The following GRM5 variants were observed in gnomAD, a reference collection of about 807,000 sequenced individuals.
GRM5 encodes metabotropic glutamate receptor 5.
GRM5 carries 19 observed loss-of-function variants against 83.1 expected under a neutral mutation model. The ratio of observed to expected loss-of-function variants is 0.23; its 90% CI spans 0.16 to 0.34. The LOEUF (loss-of-function observed/expected upper bound fraction) is 0.34. GRM5 is among the 10% of genes least tolerant of loss of function. The pLI, the probability that GRM5 is intolerant of heterozygous loss-of-function variation, is 1.00. For missense variants in GRM5, 1,160 were observed against 1,588.3 expected (o/e 0.73, Z 4.58); for synonymous variants, 675 against 633.6 (o/e 1.07, Z -0.98).
intron 5 of GRM5, among the ~76,000 whole-genome samples, chr11:88,599,812 G>T (rs1351202214): frequency 1.3e-5 from 2 of 152,060 alleles, no homozygotes; most frequent in Non-Finnish European, 2.9e-5. Flanking sequence ...AGGAGATCGA[G>T]ACCATCCTGG....
At chr11:88,574,538 G>A (rs533665439) in intron 7 of GRM5, among the ~76,000 whole-genome samples, 7 of 152,290 alleles carry the variant, frequency 4.6e-5, no homozygotes, top group African/African-American at 1.7e-4. Flanking sequence ...GGAGGCCGAG[G>A]TGGGTGGATC....
chr11:88,663,446 A>G (rs568409449), intron 3 of GRM5, among the ~76,000 whole-genome samples: 1 of 152,226 alleles, frequency 6.6e-6, no homozygotes, highest in Non-Finnish European at 1.5e-5. Context: ...TATTATAGCC[A>G]TTTGGAGAAA....
chr11:88,622,678 TACA>T (rs1252908362), intron 4 of GRM5, among the ~76,000 whole-genome samples: 2 of 152,206 alleles, frequency 1.3e-5, no homozygotes, highest in African/African-American at 4.8e-5. Context: ...CATGTATTTA[TACA>T]ACGAGTATGT....
chr11:88,883,657 G>A (rs1330728516), intron 2 of GRM5, among the ~76,000 whole-genome samples: 1 of 152,144 alleles, frequency 6.6e-6, no homozygotes, highest in Non-Finnish European at 1.5e-5. Flanking sequence ...TGGGGAAAAT[G>A]TCTCCAGGGC....
chr11:88,696,625 A>C (rs892177469), intron 3 of GRM5, among the ~76,000 whole-genome samples: 1 of 152,182 alleles, frequency 6.6e-6, no homozygotes, highest in Non-Finnish European at 1.5e-5. Context: ...CCGACATTTG[A>C]TATTTGATAA....
At position 88,567,548 on chromosome 11, in the gene GRM5, A is replaced by C; in HGVS notation, c.2135T>G (p.Phe712Cys). The change falls in exon 8 of 10, where the codon TTT becomes TGT. Residue 712 changes from phenylalanine to cysteine, a missense_variant. Around this residue, in one of 9 missense-constraint regions of GRM5, gnomAD observed 44 missense variants for 41.0 expected, o/e 1.07. Coordinates refer to ENST00000305447, the MANE Select transcript of GRM5 (RefSeq NM_001143831.3). The surrounding 1 kb of genome is among the most constrained non-coding windows in gnomAD (Gnocchi z 7.3). ...CIQLGIIVALFIMEPPDIMHD... is the reference protein window; with the variant it reads ...CIQLGIIVALCIMEPPDIMHD... ...CATTATGTCAGGAGGCTCCATTATA[A>C]AGAGGGCAACGATGATGCCCAACTG... 6.2e-7 allele frequency: 1 copy of C among 1,614,072 alleles called. No homozygotes were observed.
intron 9 of GRM5, among the ~76,000 whole-genome samples, chr11:88,522,601 CTCTGTGTGTGTGTG>C (rs1379815083): frequency 8.6e-5 from 8 of 93,528 alleles, no homozygotes; most frequent in African/African-American, 2.9e-4. Context: ...CTCTCTCTCT[CTCTGTGTGTGTGTG>C]TGTGTGTGTG....
chr11:88,602,882 G>A (rs1373639001), intron 5 of GRM5, among the ~76,000 whole-genome samples: 1 of 152,120 alleles, frequency 6.6e-6, no homozygotes, highest in Non-Finnish European at 1.5e-5. Context: ...ATATATGCTA[G>A]TTATAATTTT....
chr11:88,916,533 C>T (rs995856035), intron 2 of GRM5, among the ~76,000 whole-genome samples: 3 of 152,108 alleles, frequency 2.0e-5, no homozygotes, highest in Admixed American at 2.0e-4. Context: ...GCTAGCACCA[C>T]CACCATGAGT....
intron 9 of GRM5, chr11:88,523,112 A>G (rs972694367): frequency 4.9e-4 from 75 of 152,232 alleles, no homozygotes; most frequent in African/African-American, 1.7e-3. Flanking sequence ...CACTGCTAAG[A>G]GCATCGAATT....
intron 3 of GRM5, among the ~76,000 whole-genome samples, chr11:88,654,549 G>A (rs1391881): frequency 0.01 from 1,536 of 152,044 alleles, 15 homozygotes; most frequent in East Asian, 0.065. Flanking sequence ...GAGAAGAGAA[G>A]GAATATAGAG....
intron 4 of GRM5, among the ~76,000 whole-genome samples, chr11:88,645,558 A>T (rs953866178): frequency 5.9e-5 from 9 of 152,114 alleles, no homozygotes; most frequent in African/African-American, 2.2e-4. Flanking sequence ...CAATTTGAAG[A>T]GTTTTGACTG....
intron 8 of GRM5, among the ~76,000 whole-genome samples, chr11:88,555,511 A>G (rs1351185197): frequency 6.6e-6 from 1 of 152,176 alleles, no homozygotes; most frequent in Non-Finnish European, 1.5e-5. Context: ...AACATGGCCA[A>G]TGACAGATTT....
intron 9 of GRM5, 130 bp from the exon 10 acceptor site, chr11:88,509,634 GCA>G (rs927757774): frequency 2.4e-5 from 15 of 636,994 alleles, no homozygotes; most frequent in Non-Finnish European, 3.5e-5. Context: ...AGGAAACACA[GCA>G]TCAAAAGGAC....
chr11:88,781,160 G>T (rs1245068187), intron 3 of GRM5, among the ~76,000 whole-genome samples: 1 of 148,680 alleles, frequency 6.7e-6, no homozygotes, highest in African/African-American at 2.5e-5. Flanking sequence ...TATATATTTG[G>T]TGTATCCTTT....
chr11:88,644,155 T>C lies in GRM5; in HGVS notation c.1147+9013A>G, dbSNP rs117513645. ...ATTTCAATAATTCTTAATTTATGAT[T>C]TTGTAACGGCAACAGTTTGTACATA... On this transcript the variant is annotated intron_variant, in intron 4 of 9. Transcript: ENST00000305447. Among the ~76,000 whole-genome samples, 920 of 152,296 alleles carry C rather than the reference T, an allele frequency of 6.0e-3. 12 individuals carry two copies. The East Asian group carries it at 0.066, about 11-fold the overall frequency.
intron 4 of GRM5, among the ~76,000 whole-genome samples, chr11:88,608,166 T>G (rs1326209782): frequency 6.6e-6 from 1 of 152,218 alleles, no homozygotes; most frequent in Non-Finnish European, 1.5e-5. Context: ...CTGATGTTTT[T>G]TGCTGCCTAT....
intron 3 of GRM5, among the ~76,000 whole-genome samples, chr11:88,837,855 C>A (rs374528537): frequency 3.3e-5 from 5 of 151,954 alleles, no homozygotes; most frequent in African/African-American, 1.2e-4. Context: ...GAGGCAGAGG[C>A]GGGTGGATCA....
intron 3 of GRM5, among the ~76,000 whole-genome samples, chr11:88,783,123 T>C (rs945266282): frequency 2.0e-5 from 3 of 152,144 alleles, no homozygotes; most frequent in African/African-American, 7.2e-5. Flanking sequence ...TTCCTAAACA[T>C]TTTGTTTGTG....
Sources: allele counts gnomAD v4.1 joint callset (sites outside exome capture counted in the v4.1 genomes callset), GRCh38; gene constraint gnomAD v4.1.1; regional missense constraint gnomAD v4.1.1; non-coding constraint Gnocchi (gnomAD v3.1); transcripts MANE v1.5; gene names NCBI Gene and HGNC (gene_info 2026-07-23, HGNC 2026-07-21).